ATG2B: variants seen among roughly 807,000 people sequenced by gnomAD.
The protein encoded by ATG2B is autophagy related 2B, also known as autophagy-related protein 2 homolog B.
In ATG2B, 121 loss-of-function variants were observed where a neutral mutation model predicts 241.3. The observed-to-expected ratio is 0.50, with a 90% confidence interval of 0.43 to 0.58. ATG2B has a LOEUF of 0.58. ATG2B is among the 20% of genes least tolerant of loss of function. The probability of loss-of-function intolerance (pLI) is 0.00; values close to 1 mark genes in which losing one functional copy is unlikely to be tolerated. For synonymous variants in ATG2B, 858 were observed against 876.6 expected (o/e 0.98, Z 0.37); for missense variants, 2,306 against 2,491.6 (o/e 0.93, Z 1.59).
intron 34 of ATG2B, 100 bp downstream of exon 34, chr14:96,301,907 C>A (rs1436952333): frequency 6.7e-6 from 6 of 902,152 alleles, no homozygotes; most frequent in Non-Finnish European, 1.0e-5. Context: ...TATATGTAAC[C>A]GCCATAAAAG....
intron 29 of ATG2B, 80 bp from the exon 30 acceptor site, chr14:96,306,996 T>C (rs942699332): frequency 5.6e-5 from 67 of 1,202,256 alleles, no homozygotes; most frequent in Admixed American, 1.3e-4. Flanking sequence ...GTCAGATATA[T>C]GTTGTGTGCT....
Position 96,289,581 on chromosome 14 carries a change from A to T in ATG2B, c.6006+75T>A. On this transcript the variant is annotated intron_variant, in intron 41 of 41. Coordinates refer to ENST00000359933, the MANE Select transcript of ATG2B (RefSeq NM_018036.7). The surrounding 1 kb of genome is among the most constrained non-coding windows in gnomAD (Gnocchi z 4.3). ...GATTTCTACAGAATACATTTAAGCC[A>T]TTAAATGCTCTTTAGGTGAAAGTTG... 1 of 1,546,004 alleles carries T rather than the reference A, an allele frequency of 6.5e-7. No individual in the cohort carries two copies. The highest frequency in any genetic ancestry group is 1.9e-5 in the Admixed American group (1 of 54,040).
At position 96,295,145 on chromosome 14, in the gene ATG2B, A is replaced by G; in HGVS notation, c.5241T>C (p.Asp1747=). 6.2e-7 allele frequency: 1 copy of G among 1,614,160 alleles called. No homozygotes were observed. The highest frequency in any genetic ancestry group is 8.5e-7 in the Non-Finnish European group (1 of 1,180,010). ...DPEVKKSPGA[D]VTCSLPRHLS... Reference sequence around the variant, plus strand: ...AATGCCTTGGCAAACTGCAGGTGACATCAGCTCCAGGAGACTTTTTAACTG... The same window carrying G: ...AATGCCTTGGCAAACTGCAGGTGACGTCAGCTCCAGGAGACTTTTTAACTG... The change falls in exon 36 of 42, where the codon GAT becomes GAC. Residue 1747 remains aspartate, a synonymous_variant. Transcript: ENST00000359933.
rs1886151182 is a variant in ATG2B at position 96,279,857 on chromosome 14, A to G, written c.*5898T>C. On this transcript the variant is annotated 3_prime_UTR_variant, in exon 42 of 42. Transcript: ENST00000359933. ...CACAACTGGGGGAGGGGAGTTTGTTACTGGCATCCAGTGGCCAGAGGCCAG... is the reference window on the plus strand; with the variant it reads ...CACAACTGGGGGAGGGGAGTTTGTTGCTGGCATCCAGTGGCCAGAGGCCAG... 1 of 147,176 alleles carries G rather than the reference A, an allele frequency of 6.8e-6. No homozygotes were observed. The highest frequency in any genetic ancestry group is 1.5e-5 in the Non-Finnish European group (1 of 67,218). 9.1% of individuals were successfully genotyped at this position (147,176 alleles called of 1,614,324 possible).
chr14:96,302,747 C>T (rs1251181410), intron 33 of ATG2B, among the ~76,000 whole-genome samples: 1 of 152,286 alleles, frequency 6.6e-6, no homozygotes, highest in East Asian at 1.9e-4. Context: ...TCATTTCTAC[C>T]TTACTAAAAT....
intron 6 of ATG2B, among the ~76,000 whole-genome samples, chr14:96,338,878 T>A (rs1449975848): frequency 6.6e-6 from 1 of 152,108 alleles, no homozygotes; most frequent in Non-Finnish European, 1.5e-5. Flanking sequence ...ATTTGTAAAC[T>A]ATGCATCCAG....
intron 6 of ATG2B, among the ~76,000 whole-genome samples, chr14:96,335,207 TA>T (rs1358387734): frequency 8.5e-5 from 13 of 152,206 alleles, no homozygotes; most frequent in African/African-American, 3.1e-4. Flanking sequence ...AAAAGCAGAA[TA>T]TCCCTGCCTT....
chr14:96,333,226 C>T (rs1887785744), intron 8 of ATG2B, among the ~76,000 whole-genome samples: 1 of 152,056 alleles, frequency 6.6e-6, no homozygotes, highest in Non-Finnish European at 1.5e-5. Flanking sequence ...CATTGTGAAA[C>T]ACCTATAAAT....
At position 96,284,407 on chromosome 14, in the gene ATG2B, G is replaced by A. The variant is rs1315100790; in HGVS notation, c.*1348C>T. ...TGCTTTCCTGCTTAGAAAATTTAGA[G>A]AACGAAATTGATTTAACTACATTTT... On this transcript the variant is annotated 3_prime_UTR_variant, in exon 42 of 42. Transcript: ENST00000359933. 2 of 152,176 alleles carry A rather than the reference G, an allele frequency of 1.3e-5. No homozygotes were observed. Among genetic ancestry groups the A allele is most frequent in the Non-Finnish European group, 2.9e-5 (2 of 68,016 alleles). The allele number at this position is 152,176 out of a possible 1,614,324, so 9.4% of individuals were successfully genotyped here. A position where few individuals can be genotyped will look rare whatever the true frequency, so the allele number is the denominator to read the frequency against.
At position 96,343,132 on chromosome 14, in the gene ATG2B, G is replaced by A. The variant is rs912410165; in HGVS notation, c.731C>T (p.Ser244Leu). 2 of 1,589,070 alleles carry A rather than the reference G, an allele frequency of 1.3e-6. No individual in the cohort carries two copies. Among genetic ancestry groups the A allele is most frequent in the African/African-American group, 1.4e-5 (1 of 73,666 alleles). Residue 244 changes from serine (S) to leucine (L), a missense_variant, in exon 5 of 42, where the codon TCA becomes TTA. Ser to Leu is a moderately radical substitution (Grantham distance 145). This residue lies in a region of ATG2B where 1,927 missense variants were observed against 2,011.2 expected (regional missense o/e 0.96). Transcript: ENST00000359933. ...SASAKSSPVC[S>L]TAPVETEPKL... is the part of the protein sequence containing the mutation. ...GTTTTTTCTTACCACTGGTGCAGTT[G>A]AACACACTGGGGAAGATTTGGCTGA... is the stretch of plus-strand genomic sequence containing the variant.
chr14:96,348,236 G>A (rs899002820), intron 1 of ATG2B, among the ~76,000 whole-genome samples: 6 of 152,154 alleles, frequency 3.9e-5, no homozygotes. Flanking sequence ...GCCAGGCACA[G>A]AAAAACAAAC....
chr14:96,332,301 T>G lies in ATG2B; in HGVS notation c.1468+4A>C, dbSNP rs1887757246. 1.9e-6 allele frequency: 3 copies of G among 1,604,772 alleles called. No individual in the cohort carries two copies. The highest frequency in any genetic ancestry group is 2.6e-6 in the Non-Finnish European group (3 of 1,172,318). On this transcript the variant is annotated splice_donor_region_variant and intron_variant, in intron 10 of 41. Transcript: ENST00000359933. ...CTAACAACAAATGTCTTATTTTTAC[T>G]TACATGTCTTCTGTAAAGGTGTTGG...
chr14:96,308,243 T>TAC (rs1555365522), intron 29 of ATG2B, among the ~76,000 whole-genome samples: 2 of 21,238 alleles, frequency 9.4e-5, no homozygotes, highest in Admixed American at 6.1e-4. Flanking sequence ...TATATATATA[T>TAC]ATATATATAC....
chr14:96,326,036 A>G (rs972041689), intron 14 of ATG2B, 114 bp from the exon 15 acceptor site: 6 of 1,009,150 alleles, frequency 5.9e-6, no homozygotes, highest in Non-Finnish European at 8.1e-6. Flanking sequence ...GGTATAATGC[A>G]TTAAAAGTCA....
chr14:96,315,100 A>G, intron 23 of ATG2B, 54 bp downstream of exon 23: 3 of 1,311,436 alleles, frequency 2.3e-6, no homozygotes, highest in African/African-American at 3.0e-5. Flanking sequence ...TATGTGTATT[A>G]GATGTCAACA....
chr14:96,322,066 T>G (rs1379359024), intron 18 of ATG2B, 46 bp downstream of exon 18: 4 of 1,398,684 alleles, frequency 2.9e-6, no homozygotes, highest in Non-Finnish European at 3.8e-6. Flanking sequence ...GGGAGGCAAT[T>G]AGAAAATCTG....
chr14:96,291,681 C>G lies in ATG2B; in HGVS notation c.5498G>C (p.Gly1833Ala). The G allele has an allele frequency of 2.5e-6, 4 of 1,602,934 alleles. No individual in the cohort carries two copies. Among genetic ancestry groups the G allele is most frequent in the Non-Finnish European group, 2.6e-6 (3 of 1,172,990 alleles). Reference sequence around the variant, plus strand: ...ACCAATCAAAATCCCAGCTAGCGTACCCTTCAAAATTAAAAAAGGCCAAAT... The same window carrying G: ...ACCAATCAAAATCCCAGCTAGCGTAGCCTTCAAAATTAAAAAAGGCCAAAT... ...YHGKHVSMDQ[G>A]TLAGILIGLA... The change falls in exon 38 of 42, where the codon GGT becomes GCT. Residue 1833 changes from glycine (G) to alanine (A), a missense_variant and splice_region_variant. By Grantham distance (60) the Gly-to-Ala change is moderately conservative. Transcript: ENST00000359933.
chr14:96,344,111 T>C (rs1238146920), intron 4 of ATG2B, among the ~76,000 whole-genome samples: 1 of 152,244 alleles, frequency 6.6e-6, no homozygotes, highest in African/African-American at 2.4e-5. Flanking sequence ...TTTACAGCTA[T>C]GTATAAGAGC....
chr14:96,304,523 T>C lies in ATG2B; in HGVS notation c.4814A>G (p.Asp1605Gly), dbSNP rs768588134. The change falls in exon 32 of 42, where the codon GAC (aspartate) becomes GGC (glycine). Residue 1605 changes from aspartate to glycine, a missense_variant. This residue lies in a region of ATG2B where 1,927 missense variants were observed against 2,011.2 expected (regional missense o/e 0.96). Coordinates refer to ENST00000359933, the MANE Select transcript of ATG2B (RefSeq NM_018036.7). The stretch of plus-strand genomic sequence containing the variant: ...GCTTAGCTGTATTTCCATTAAAAAG[T>C]CATGGTTCCTTCCTTTTCCCCCACA... ...TVCGGKGRNHDFLMEIQLSKV... is the reference protein window; with the variant it reads ...TVCGGKGRNHGFLMEIQLSKV... 7.4e-6 allele frequency: 12 copies of C among 1,613,262 alleles called. No homozygotes were observed. Among genetic ancestry groups the C allele is most frequent in the African/African-American group, 2.7e-5 (2 of 74,786 alleles).
Sources: allele counts gnomAD v4.1 joint callset (sites outside exome capture counted in the v4.1 genomes callset), GRCh38; gene constraint gnomAD v4.1.1; regional missense constraint gnomAD v4.1.1; non-coding constraint Gnocchi (gnomAD v3.1); transcripts MANE v1.5; gene names NCBI Gene and HGNC (gene_info 2026-07-23, HGNC 2026-07-21).